Variants in MAP2K4 observed in about 807,000 individuals in gnomAD.
MAP2K4 encodes mitogen-activated protein kinase kinase 4.
MAP2K4 carries 4 observed loss-of-function variants against 48.5 expected under a neutral mutation model. That is an observed-to-expected ratio of 0.08 (90% CI 0.04 to 0.19). The LOEUF (loss-of-function observed/expected upper bound fraction) is 0.19. MAP2K4 is among the 10% of genes least tolerant of loss of function. MAP2K4 has a pLI of 1.00. For missense variants in MAP2K4, 258 were observed against 493.3 expected (o/e 0.52, Z 4.52); for synonymous variants, 166 against 173.1 (o/e 0.96, Z 0.32).
intron 1 of MAP2K4, among the ~76,000 whole-genome samples, chr17:12,044,708 G>A (rs1364835833): frequency 6.6e-6 from 1 of 152,166 alleles, no homozygotes; most frequent in Non-Finnish European, 1.5e-5. Context: ...CAGCTTACCT[G>A]GAGATAGTGT....
chr17:12,058,068 C>T (rs1041362736), intron 2 of MAP2K4, among the ~76,000 whole-genome samples: 15 of 151,912 alleles, frequency 9.9e-5, no homozygotes, highest in Non-Finnish European at 1.5e-5. Flanking sequence ...TGAGAGCTAG[C>T]TCTTAGGCCA....
intron 9 of MAP2K4, among the ~76,000 whole-genome samples, chr17:12,137,594 G>A (rs1431551426): frequency 1.3e-5 from 2 of 152,128 alleles, no homozygotes; most frequent in African/African-American, 4.8e-5. Flanking sequence ...TATATGAAAA[G>A]CAGTGAAGAA....
intron 9 of MAP2K4, among the ~76,000 whole-genome samples, chr17:12,132,271 A>G (rs1165507622): frequency 6.6e-6 from 1 of 152,226 alleles, no homozygotes; most frequent in African/African-American, 2.4e-5. Flanking sequence ...ACATAAATAC[A>G]CTAAAAGACA....
At chr17:12,114,423 C>T (rs540837737) in intron 7 of MAP2K4, among the ~76,000 whole-genome samples, 1 of 148,868 alleles carries the variant, frequency 6.7e-6, no homozygotes, top group African/African-American at 2.5e-5. Context: ...TGTGTAGACA[C>T]CTAACCTGTG....
chr17:12,117,354 G>A (rs1164330604), intron 7 of MAP2K4, among the ~76,000 whole-genome samples: 1 of 151,994 alleles, frequency 6.6e-6, no homozygotes, highest in Non-Finnish European at 1.5e-5. Context: ...CTTATGCGAT[G>A]GGTCACATTC....
chr17:12,114,387 G>GGTGTGTGTGT (rs61666948), intron 7 of MAP2K4, among the ~76,000 whole-genome samples: 5 of 149,152 alleles, frequency 3.4e-5, no homozygotes, highest in African/African-American at 7.4e-5. Flanking sequence ...ATGTAAAAGC[G>GGTGTGTGTGT]GTGTGTGTGT....
At chr17:12,058,230 T>TC (rs1037927229) in intron 2 of MAP2K4, among the ~76,000 whole-genome samples, 1 of 121,996 alleles carries the variant, frequency 8.2e-6, no homozygotes, top group Non-Finnish European at 2.0e-5. Flanking sequence ...GACCTTTCTT[T>TC]TTTTTTTTTT....
chr17:12,086,233 T>A (rs1039242236), intron 3 of MAP2K4, among the ~76,000 whole-genome samples: 1 of 152,188 alleles, frequency 6.6e-6, no homozygotes, highest in Non-Finnish European at 1.5e-5. Flanking sequence ...CGTCGTTCGG[T>A]CAGATCATGT....
chr17:12,022,393 A>C (rs548312564), intron 1 of MAP2K4, among the ~76,000 whole-genome samples: 6 of 152,338 alleles, frequency 3.9e-5, no homozygotes, highest in Non-Finnish European at 1.5e-5. Flanking sequence ...TGTGTTGCAC[A>C]GCACATTATA....
intron 3 of MAP2K4, among the ~76,000 whole-genome samples, chr17:12,092,786 G>T (rs1259147021): frequency 6.6e-6 from 1 of 152,152 alleles, no homozygotes; most frequent in African/African-American, 2.4e-5. Flanking sequence ...CAGCACTTTG[G>T]GAGGCCGAGG....
At position 12,054,926 on chromosome 17, in the gene MAP2K4, A is replaced by G. The variant is rs764247095; in HGVS notation, c.153A>G (p.Pro51=). ...CACTGAAGTTGAATTTTGCAAATCC[A>G]CCTTTCAAATCTACAGCAAGGTTTA... ...RKALKLNFAN[P]PFKSTARFTL... The change falls in exon 2 of 11, where the codon CCA becomes CCG. Residue 51 remains proline (P), a synonymous_variant. Transcript: ENST00000353533. The G allele has an allele frequency of 6.2e-6, 10 of 1,612,380 alleles. No homozygotes were observed. In the East Asian group the frequency reaches 1.6e-4, roughly 25 times the overall value.
At chr17:12,047,108 A>AAAAGGACT (rs1969990563) in intron 1 of MAP2K4, among the ~76,000 whole-genome samples, 2 of 152,288 alleles carry the variant, frequency 1.3e-5, no homozygotes, top group Middle Eastern at 3.4e-3. Flanking sequence ...TCTACCCAAG[A>AAAAGGACT]AAAGGACTAT....
At position 12,125,950 on chromosome 17, in the gene MAP2K4, A is replaced by G. The variant is rs556632806; in HGVS notation, c.891+579A>G. Among the ~76,000 whole-genome samples the G allele has an allele frequency of 2.6e-5, 4 of 152,248 alleles. No individual in the cohort carries two copies. In the South Asian group the frequency reaches 8.3e-4, roughly 32 times the overall value. On this transcript the variant is annotated intron_variant, in intron 8 of 10. Transcript: ENST00000353533. ...ATGAGACTGGGTAATTTATGAAGAG[A>G]GGTTTAATTGCCTCACAGCTCCACA...
chr17:12,091,497 T>G (rs1028184559), intron 3 of MAP2K4, among the ~76,000 whole-genome samples: 3 of 152,208 alleles, frequency 2.0e-5, no homozygotes, highest in African/African-American at 7.2e-5. Flanking sequence ...ACAACTAAAT[T>G]TGTGGCTGAT....
chr17:12,092,518 CTT>C (rs1449390424), intron 3 of MAP2K4, among the ~76,000 whole-genome samples: 1 of 152,134 alleles, frequency 6.6e-6, no homozygotes, highest in African/African-American at 2.4e-5. Flanking sequence ...GCTTTAGTCT[CTT>C]AAGTATTCTC....
intron 7 of MAP2K4, among the ~76,000 whole-genome samples, chr17:12,114,237 TCA>T (rs1435800993): frequency 7.9e-5 from 12 of 152,116 alleles, no homozygotes; most frequent in African/African-American, 2.4e-4. Context: ...AAAGTAAGAG[TCA>T]CAGGCTAGAT....
chr17:12,060,749 G>A (rs182106885), intron 2 of MAP2K4, among the ~76,000 whole-genome samples: 78 of 141,716 alleles, frequency 5.5e-4, no homozygotes, highest in Admixed American at 4.7e-3. Flanking sequence ...GTGTGTGTGC[G>A]CGCGTGTGTG....
chr17:12,062,929 C>T (rs577265145), intron 2 of MAP2K4, among the ~76,000 whole-genome samples: 1 of 151,312 alleles, frequency 6.6e-6, no homozygotes, highest in South Asian at 2.1e-4. Flanking sequence ...TCCCTCCTTT[C>T]CCTCCTCCCC....
chr17:12,122,771 G>T (rs1467209951), intron 7 of MAP2K4, among the ~76,000 whole-genome samples: 1 of 152,074 alleles, frequency 6.6e-6, no homozygotes, highest in Non-Finnish European at 1.5e-5. Context: ...TTAACTCTTG[G>T]TTATTTTAGA....
Sources: gnomAD v4.1 joint callset for allele counts (sites outside exome capture counted in the v4.1 genomes callset) on GRCh38, gnomAD v4.1.1 for gene constraint, MANE v1.5 for transcripts, NCBI Gene and HGNC (gene_info 2026-07-23, HGNC 2026-07-21) for gene names.